Variants in SYT17 observed in about 807,000 individuals in gnomAD.
SYT17 encodes the protein synaptotagmin-17.
In SYT17, 22 loss-of-function variants were observed where a neutral mutation model predicts 46.7. That is an observed-to-expected ratio of 0.47 (90% CI 0.34 to 0.67). The LOEUF (loss-of-function observed/expected upper bound fraction) is 0.67. SYT17 is among the 30% of genes least tolerant of loss of function. The probability of loss-of-function intolerance (pLI) is 0.01; values close to 1 mark genes in which losing one functional copy is unlikely to be tolerated. For synonymous variants in SYT17, 251 were observed against 248.4 expected, an observed-to-expected ratio of 1.01 and a Z score of -0.10; for missense variants, 519 against 612.8, an observed-to-expected ratio of 0.85 and a Z score of 1.62.
chr16:19,210,888 T>G (rs1370984974), intron 5 of SYT17, among the ~76,000 whole-genome samples: 1 of 152,200 alleles, frequency 6.6e-6, no homozygotes, highest in Non-Finnish European at 1.5e-5. Context: ...GAGAAGGAGT[T>G]CAAAGCAAAC....
intron 5 of SYT17, among the ~76,000 whole-genome samples, chr16:19,203,906 G>T (rs754103894): frequency 6.6e-6 from 1 of 152,224 alleles, no homozygotes; most frequent in Non-Finnish European, 1.5e-5. Flanking sequence ...TAGTTTTACC[G>T]TGTGGGCAAT....
intron 5 of SYT17, among the ~76,000 whole-genome samples, chr16:19,185,791 C>T (rs1447494151): frequency 2.0e-5 from 3 of 152,238 alleles, no homozygotes; most frequent in African/African-American, 7.2e-5. Flanking sequence ...TGGCGGGTGG[C>T]GAGCACTCCA....
intron 7 of SYT17, among the ~76,000 whole-genome samples, chr16:19,229,378 T>TC (rs1208598230): frequency 6.6e-6 from 1 of 151,780 alleles, no homozygotes; most frequent in Admixed American, 6.6e-5. Flanking sequence ...GAAAGAGGGA[T>TC]CGTGCACCTG....
chr16:19,221,804 G>A (rs1249439062), intron 5 of SYT17, among the ~76,000 whole-genome samples: 2 of 152,304 alleles, frequency 1.3e-5, no homozygotes. Context: ...ATAATAGATG[G>A]TTAGATTATA....
intron 5 of SYT17, among the ~76,000 whole-genome samples, chr16:19,191,545 A>C (rs962046916): frequency 3.3e-5 from 5 of 152,228 alleles, no homozygotes; most frequent in African/African-American, 1.2e-4. Context: ...CAAGCCGCCC[A>C]GTTGATAGTA....
intron 5 of SYT17, among the ~76,000 whole-genome samples, chr16:19,189,888 T>C (rs1331724113): frequency 1.3e-5 from 2 of 152,218 alleles, no homozygotes; most frequent in Non-Finnish European, 2.9e-5. Flanking sequence ...GGCCAGCATA[T>C]AGGCACCTCC....
At chr16:19,232,376 T>A (rs1966732319) in intron 7 of SYT17, among the ~76,000 whole-genome samples, 1 of 152,178 alleles carries the variant, frequency 6.6e-6, no homozygotes, top group Non-Finnish European at 1.5e-5. Flanking sequence ...AAATTCTGAC[T>A]CAGTAACTCA....
intron 7 of SYT17, 27 bp downstream of exon 7, chr16:19,224,865 A>G (rs1966447419): frequency 6.2e-7 from 1 of 1,611,790 alleles, no homozygotes; most frequent in Non-Finnish European, 8.5e-7. Context: ...AACCCGATGA[A>G]CTCCAGGTGA....
At chr16:19,195,657 T>G (rs1418779715) in intron 5 of SYT17, among the ~76,000 whole-genome samples, 2 of 151,278 alleles carry the variant, frequency 1.3e-5, no homozygotes, top group Non-Finnish European at 2.9e-5. Context: ...GAAGTGGAGG[T>G]TACAGTGAGC....
At chr16:19,172,828 T>C (rs1350138704) in intron 2 of SYT17, 51 bp downstream of exon 2, 1 of 1,610,320 alleles carries the variant, frequency 6.2e-7, no homozygotes, top group Non-Finnish European at 8.5e-7. Context: ...AAGAAATGCC[T>C]GACTTTCATT....
rs537312405 is a variant in SYT17 at position 19,240,841 on chromosome 16, C to T, written c.1228+16003C>T. On this transcript the variant is annotated intron_variant, in intron 7 of 7. Coordinates refer to ENST00000355377, the MANE Select transcript of SYT17 (RefSeq NM_016524.4). ...CCTCCCCGTCATACTTGCTGGCACCCAAAGTCTGGAAGGGGCCGAGGCATC... is the reference window on the plus strand; with the variant it reads ...CCTCCCCGTCATACTTGCTGGCACCTAAAGTCTGGAAGGGGCCGAGGCATC... 1.2e-4 allele frequency among the ~76,000 whole-genome samples: 18 copies of T among 152,304 alleles called. 1 individual carries two copies. In the South Asian group the frequency reaches 3.7e-3, roughly 32 times the overall value.
intron 5 of SYT17, among the ~76,000 whole-genome samples, chr16:19,187,383 A>G (rs1964828417): frequency 6.6e-6 from 1 of 152,182 alleles, no homozygotes; most frequent in Admixed American, 6.5e-5. Flanking sequence ...TTGGCCTTGA[A>G]AATGGGCACC....
chr16:19,243,015 G>A (rs557284912), intron 7 of SYT17, among the ~76,000 whole-genome samples: 6 of 152,152 alleles, frequency 3.9e-5, no homozygotes, highest in Non-Finnish European at 5.9e-5. Flanking sequence ...CTATTTGTGA[G>A]TCGACATGAA....
chr16:19,206,414 C>A (rs1965673647), intron 5 of SYT17, among the ~76,000 whole-genome samples: 1 of 152,172 alleles, frequency 6.6e-6, no homozygotes, highest in African/African-American at 2.4e-5. Context: ...TGAGGTCACA[C>A]ACTCAGTGTA....
intron 5 of SYT17, among the ~76,000 whole-genome samples, chr16:19,222,569 T>C (rs926357365): frequency 8.5e-5 from 13 of 152,256 alleles, no homozygotes; most frequent in East Asian, 3.9e-4. Context: ...AGGTATCCTA[T>C]TGGATGGCAG....
intron 5 of SYT17, among the ~76,000 whole-genome samples, chr16:19,194,922 A>G (rs1965174447): frequency 6.6e-6 from 1 of 152,200 alleles, no homozygotes; most frequent in Non-Finnish European, 1.5e-5. Flanking sequence ...TAGTCTTGGT[A>G]TCTTTGGCAC....
intron 5 of SYT17, among the ~76,000 whole-genome samples, chr16:19,192,438 T>C (rs1458057105): frequency 6.6e-6 from 1 of 150,474 alleles, no homozygotes; most frequent in Non-Finnish European, 1.5e-5. Context: ...AAAAAAGAAA[T>C]GTAGACTGGG....
At chr16:19,197,211 T>G (rs944597789) in intron 5 of SYT17, among the ~76,000 whole-genome samples, 1 of 152,254 alleles carries the variant, frequency 6.6e-6, no homozygotes, top group Non-Finnish European at 1.5e-5. Flanking sequence ...CAGCAGTGTT[T>G]TGGCAATGTT....
chr16:19,224,608 G>A, intron 6 of SYT17, 75 bp from the exon 7 acceptor site: 1 of 1,524,880 alleles, frequency 6.6e-7, no homozygotes, highest in Non-Finnish European at 9.0e-7. Flanking sequence ...TGGATGGGAG[G>A]TTGAATGGCA....
Sources: allele counts gnomAD v4.1 joint callset (sites outside exome capture counted in the v4.1 genomes callset), GRCh38; gene constraint gnomAD v4.1.1; transcripts MANE v1.5; gene names NCBI Gene and HGNC (gene_info 2026-07-23, HGNC 2026-07-21).